The following KAZN variants were observed in gnomAD, a reference collection of about 807,000 sequenced individuals.
KAZN encodes kazrin.
Under a neutral mutation model 87.4 loss-of-function variants are expected in KAZN, and 40 were observed. That is an observed-to-expected ratio of 0.46 (90% CI 0.36 to 0.60). KAZN has a LOEUF of 0.60. Ranked by LOEUF, KAZN falls within the 20% of genes least tolerant of loss-of-function variation. The pLI is 0.00. For synonymous variants in KAZN, 466 were observed against 458.3 expected (o/e 1.02, Z -0.22); for missense variants, 898 against 1,073.9 (o/e 0.84, Z 2.29).
intron 1 of KAZN, among the ~76,000 whole-genome samples, chr1:14,789,191 G>A (rs766064154): frequency 1.3e-5 from 2 of 152,200 alleles, no homozygotes; most frequent in East Asian, 3.9e-4. Context: ...ACAGGAGGAC[G>A]CCAGGAATCT....
chr1:14,941,579 C>T (rs995743375), intron 1 of KAZN, among the ~76,000 whole-genome samples: 3 of 151,936 alleles, frequency 2.0e-5, no homozygotes, highest in Admixed American at 6.6e-5. Flanking sequence ...GGGGAGGTTC[C>T]GGTTTTTTTT....
At chr1:14,655,754 G>A (rs1046560278) in intron 1 of KAZN, among the ~76,000 whole-genome samples, 1 of 152,214 alleles carries the variant, frequency 6.6e-6, no homozygotes, top group Admixed American at 6.5e-5. Flanking sequence ...TAATTCAGCT[G>A]TGTATGCTTA....
chr1:14,428,415 A>C (rs1207476770), intron 2 of KAZN, among the ~76,000 whole-genome samples: 2 of 152,192 alleles, frequency 1.3e-5, no homozygotes, highest in Non-Finnish European at 2.9e-5. Context: ...AAAAAGGTAA[A>C]GGAGGTATAT....
chr1:14,072,948 C>A (rs545685200), intron 1 of KAZN, among the ~76,000 whole-genome samples: 1 of 152,170 alleles, frequency 6.6e-6, no homozygotes, highest in South Asian at 2.1e-4. Context: ...GGCCATTTAC[C>A]TACTCTGCTG....
At chr1:14,475,131 T>C (rs1668649757) in intron 2 of KAZN, among the ~76,000 whole-genome samples, 1 of 151,484 alleles carries the variant, frequency 6.6e-6, no homozygotes, top group Non-Finnish European at 1.5e-5. Context: ...TAGATAGATA[T>C]TGAATTGATG....
intron 1 of KAZN, among the ~76,000 whole-genome samples, chr1:14,051,502 C>A (rs1642327437): frequency 6.6e-6 from 1 of 152,262 alleles, no homozygotes; most frequent in Non-Finnish European, 1.5e-5. Context: ...TCATGCACTG[C>A]AAGGTATTGA....
At chr1:14,078,232 C>G (rs957198738) in intron 1 of KAZN, among the ~76,000 whole-genome samples, 3 of 152,152 alleles carry the variant, frequency 2.0e-5, no homozygotes, top group Admixed American at 6.5e-5. Flanking sequence ...CTCTTTCTTC[C>G]TGGCAGTTAT....
At chr1:14,728,713 G>T (rs1314329687) in intron 1 of KAZN, among the ~76,000 whole-genome samples, 4 of 152,220 alleles carry the variant, frequency 2.6e-5, no homozygotes, top group Non-Finnish European at 5.9e-5. Flanking sequence ...CATGAGGACA[G>T]CAGCCTCGCC....
chr1:14,911,977 C>A lies in KAZN; in HGVS notation c.227-48707C>A, dbSNP rs112476737. Reference sequence around the variant, plus strand: ...GACCAGCCTGTCCAATATGATGGCACGTTATCTCTACTAAAAATACAAAAA... The same window carrying A: ...GACCAGCCTGTCCAATATGATGGCAAGTTATCTCTACTAAAAATACAAAAA... On this transcript the variant is annotated intron_variant, in intron 1 of 14. Coordinates refer to ENST00000376030, the MANE Select transcript of KAZN (RefSeq NM_201628.3). Among the ~76,000 whole-genome samples the A allele has an allele frequency of 7.1e-4, 108 of 151,986 alleles. 1 individual carries two copies. The Middle Eastern group carries it at 0.01, about 14-fold the overall frequency.
chr1:14,270,598 A>C (rs1321002389), intron 2 of KAZN, among the ~76,000 whole-genome samples: 1 of 152,164 alleles, frequency 6.6e-6, no homozygotes, highest in African/African-American at 2.4e-5. Flanking sequence ...CTCCTTACTG[A>C]GGAGGTCTAT....
chr1:13,897,314 G>A (rs1639082089), intron 1 of KAZN, among the ~76,000 whole-genome samples: 1 of 152,194 alleles, frequency 6.6e-6, no homozygotes, highest in South Asian at 2.1e-4. Flanking sequence ...ACCAGCATAG[G>A]AAGCACAGAA....
In KAZN at chr1:14,499,678, A is replaced by G. The variant is rs549545414; in HGVS notation, c.250-99305A>G. Among the ~76,000 whole-genome samples the G allele has an allele frequency of 3.3e-5, 5 of 152,348 alleles. No homozygotes were observed. The East Asian group carries it at 7.7e-4, about 24-fold the overall frequency. ...CAGGGTTATTTTATTTCATATGAAG[A>G]TGCTGAGCTCCTGATGAGTTACATT... On this transcript the variant is annotated intron_variant, in intron 2 of 16. Transcript: ENST00000636203.
intron 3 of KAZN, among the ~76,000 whole-genome samples, chr1:15,036,837 G>A (rs1672392732): frequency 6.6e-6 from 1 of 152,316 alleles, no homozygotes; most frequent in African/African-American, 2.4e-5. Flanking sequence ...AGAGCCTCGT[G>A]TGTGTCCATT....
chr1:14,147,794 C>CAAA (rs575263344), intron 1 of KAZN, among the ~76,000 whole-genome samples: 1 of 136,900 alleles, frequency 7.3e-6, no homozygotes, highest in Non-Finnish European at 1.6e-5. Context: ...GACTCCATCT[C>CAAA]AAAAAAAAAA....
At chr1:14,870,912 A>G (rs1652061452) in intron 1 of KAZN, among the ~76,000 whole-genome samples, 1 of 152,230 alleles carries the variant, frequency 6.6e-6, no homozygotes, top group Non-Finnish European at 1.5e-5. Flanking sequence ...AAGACTCATC[A>G]TATGAATGGC....
chr1:14,925,800 G>T (rs1375126130), intron 1 of KAZN, among the ~76,000 whole-genome samples: 2 of 152,164 alleles, frequency 1.3e-5, no homozygotes, highest in African/African-American at 4.8e-5. Context: ...CTGGGTGTCA[G>T]GGCAGAGTAG....
chr1:14,710,535 T>C (rs1642429288), intron 1 of KAZN, among the ~76,000 whole-genome samples: 1 of 152,136 alleles, frequency 6.6e-6, no homozygotes, highest in South Asian at 2.1e-4. Context: ...AGCTCCTATA[T>C]ACTATTCCTG....
rs149489215 is a variant in KAZN, at chr1:14,382,166, A to C, written c.249+201574A>C. Reference sequence around the variant, plus strand: ...AAATATTGATGCAAGAAATTGAAGAAGACACCAAAAAAAAGATATTCCATT... The same window carrying C: ...AAATATTGATGCAAGAAATTGAAGACGACACCAAAAAAAAGATATTCCATT... On this transcript the variant is annotated intron_variant, in intron 2 of 16. Coordinates refer to the KAZN transcript ENST00000636203. 3.2e-3 allele frequency among the ~76,000 whole-genome samples: 493 copies of C among 152,310 alleles called. 2 individuals are homozygous for C. Among genetic ancestry groups the C allele is most frequent in the South Asian group, 8.5e-3 (41 of 4,822 alleles).
At chr1:14,372,096 T>C (rs1040087493) in intron 2 of KAZN, among the ~76,000 whole-genome samples, 2 of 152,198 alleles carry the variant, frequency 1.3e-5, no homozygotes, top group African/African-American at 4.8e-5. Context: ...AACAAGTTCA[T>C]AACAAGTAAA....
Sources: allele counts gnomAD v4.1 joint callset (sites outside exome capture counted in the v4.1 genomes callset), GRCh38; gene constraint gnomAD v4.1.1; transcripts MANE v1.5; gene names NCBI Gene and HGNC (gene_info 2026-07-23, HGNC 2026-07-21).